The following CCDC73 variants were observed in gnomAD, a reference collection of about 807,000 sequenced individuals.
CCDC73 encodes the protein coiled-coil domain containing 73, also known as coiled-coil domain-containing protein 73.
In CCDC73, 95 loss-of-function variants were observed where a neutral mutation model predicts 116.5. That is an observed-to-expected ratio of 0.82 (90% confidence interval 0.69 to 0.97). The LOEUF is 0.97. Ranked by LOEUF, CCDC73 falls within the 50% of genes least tolerant of loss-of-function variation. The pLI, the probability that CCDC73 is intolerant of heterozygous loss-of-function variation, is 0.00. For missense variants in CCDC73, 1,066 were observed against 1,206.8 expected (o/e 0.88, Z 1.73); for synonymous variants, 398 against 401.3 (o/e 0.99, Z 0.10).
the CCDC73 span, among the ~76,000 whole-genome samples, chr11:32,811,149 A>G: frequency 6.6e-6 from 1 of 151,952 alleles, no homozygotes; most frequent in African/African-American, 2.4e-5. Flanking sequence ...AGATGTACCC[A>G]CAACCTATTA....
chr11:32,746,660 C>A (rs1850242028), intron 2 of CCDC73, among the ~76,000 whole-genome samples: 1 of 152,122 alleles, frequency 6.6e-6, no homozygotes, highest in Admixed American at 6.5e-5. Flanking sequence ...TGTTTTCTCA[C>A]TTTATTTCAT....
At chr11:32,672,340 G>A (rs147192944) in intron 9 of CCDC73, among the ~76,000 whole-genome samples, 3 of 151,870 alleles carry the variant, frequency 2.0e-5, no homozygotes, top group African/African-American at 4.8e-5. Flanking sequence ...AGACTCTGTC[G>A]AAAGAAAAAA....
chr11:32,782,000 T>C (rs1048059660), intron 1 of CCDC73, among the ~76,000 whole-genome samples: 1 of 152,124 alleles, frequency 6.6e-6, no homozygotes, highest in Admixed American at 6.5e-5. Flanking sequence ...CTGAGCTGCC[T>C]CCTGTCAGAT....
intron 9 of CCDC73, among the ~76,000 whole-genome samples, chr11:32,674,722 T>C (rs1044811058): frequency 7.2e-5 from 11 of 152,190 alleles, no homozygotes; most frequent in African/African-American, 2.7e-4. Flanking sequence ...AATCAGAAGC[T>C]AGCTAAAGTC....
At chr11:32,649,962 G>T (rs1184648855) in intron 12 of CCDC73, among the ~76,000 whole-genome samples, 1 of 152,084 alleles carries the variant, frequency 6.6e-6, no homozygotes, top group East Asian at 1.9e-4. Context: ...TCAAGGTTCA[G>T]GTAATACTTG....
At chr11:32,830,568 A>G in the CCDC73 span, 2 of 1,609,102 alleles carry the variant, frequency 1.2e-6, no homozygotes, top group Non-Finnish European at 8.5e-7. Flanking sequence ...AACTGCCCAC[A>G]GTTACCCTGG....
intron 17 of CCDC73, chr11:32,606,384 T>C (rs1855351447): frequency 6.6e-6 from 1 of 152,236 alleles, no homozygotes; most frequent in African/African-American, 2.4e-5. Context: ...CTCAGTGCCA[T>C]GCCAAAACAG....
intron 1 of CCDC73, among the ~76,000 whole-genome samples, chr11:32,790,693 A>G (rs972462446): frequency 3.3e-5 from 5 of 152,072 alleles, no homozygotes; most frequent in African/African-American, 1.2e-4. Context: ...AGGATTATAT[A>G]TATAAATTTT....
Position 32,614,406 on chromosome 11 carries a change from TTTTTTTTATA to T in CCDC73, c.1902_1911del (p.Asp634GlufsTer19). 1 of 1,613,276 alleles carries T rather than the reference TTTTTTTTATA, an allele frequency of 6.2e-7. No individual in the cohort carries two copies. The highest frequency in any genetic ancestry group is 1.3e-5 in the African/African-American group (1 of 74,970). On this transcript the variant is annotated frameshift_variant, in exon 16 of 18. Coordinates refer to ENST00000335185, the MANE Select transcript of CCDC73 (RefSeq NM_001008391.4). LOFTEE classifies it high-confidence loss of function. ...CTATATTTCTGACATGGAACAGGAT[TTTTTTTTATA>T]TCTAGAGACGAGTCCAAATCTGCTT...
intron 14 of CCDC73, among the ~76,000 whole-genome samples, chr11:32,622,612 C>T (rs1218493624): frequency 2.8e-5 from 4 of 145,170 alleles, no homozygotes; most frequent in Non-Finnish European, 4.5e-5. Context: ...CCATGGCACA[C>T]GTATAACTAT....
At chr11:32,736,959 C>CATATATATACATAT (rs1565088875) in intron 2 of CCDC73, among the ~76,000 whole-genome samples, 3 of 148,752 alleles carry the variant, frequency 2.0e-5, no homozygotes, top group Non-Finnish European at 3.0e-5. Context: ...TATATACACA[C>CATATATATACATAT]ATATACATAT....
intron 1 of CCDC73, among the ~76,000 whole-genome samples, chr11:32,776,991 A>G (rs1351932974): frequency 1.2e-3 from 30 of 24,856 alleles, no homozygotes; most frequent in Non-Finnish European, 1.5e-3. Flanking sequence ...ATACACATGT[A>G]TATATATATA....
intron 1 of CCDC73, among the ~76,000 whole-genome samples, chr11:32,765,635 G>T (rs570468137): frequency 2.7e-3 from 409 of 152,264 alleles, no homozygotes; most frequent in African/African-American, 9.7e-3. Flanking sequence ...GAAATTTATA[G>T]CACTAAATGC....
In CCDC73 at chr11:32,615,021, T is replaced by C. The variant is rs912068551; in HGVS notation, c.1376-79A>G. ...CATAAGACATATTTATCACCTATTT[T>C]TATAAAAACATATTTAACCTTAAAT... is the stretch of plus-strand genomic sequence containing the variant. On this transcript the variant is annotated intron_variant, in intron 15 of 17. Transcript: ENST00000335185. 14 of 805,420 alleles carry C rather than the reference T, an allele frequency of 1.7e-5. No homozygotes were observed. In the Admixed American group the frequency reaches 3.4e-4, roughly 20 times the overall value. The allele number at this position is 805,420 out of a possible 1,614,324, so 49.9% of individuals were successfully genotyped here. A position where few individuals can be genotyped will look rare whatever the true frequency, so the allele number is the denominator to read the frequency against.
chr11:32,794,121 A>G (rs1217232635), intron 1 of CCDC73, among the ~76,000 whole-genome samples: 2 of 152,192 alleles, frequency 1.3e-5, no homozygotes, highest in Admixed American at 1.3e-4. Context: ...AACATTCTGC[A>G]AAAAGTAACG....
chr11:32,778,514 A>G (rs7936098), intron 1 of CCDC73, among the ~76,000 whole-genome samples: 1,525 of 152,296 alleles, frequency 0.01, 25 homozygotes, highest in African/African-American at 0.034. Flanking sequence ...AATCTTTTGT[A>G]TTAAGAATCA....
At chr11:32,691,923 C>G (rs1015339125) in intron 6 of CCDC73, among the ~76,000 whole-genome samples, 1 of 151,894 alleles carries the variant, frequency 6.6e-6, no homozygotes, top group Non-Finnish European at 1.5e-5. Flanking sequence ...TGGCAGGTGC[C>G]TGTAGTCCCA....
intron 6 of CCDC73, among the ~76,000 whole-genome samples, chr11:32,692,229 T>C (rs905669514): frequency 6.6e-6 from 1 of 152,122 alleles, no homozygotes; most frequent in African/African-American, 2.4e-5. Context: ...TATCTAGCTG[T>C]TCCTGCACCA....
intron 9 of CCDC73, among the ~76,000 whole-genome samples, chr11:32,661,774 G>A (rs952186450): frequency 6.7e-6 from 1 of 150,364 alleles, no homozygotes; most frequent in East Asian, 2.0e-4. Context: ...ATGTTGGTGT[G>A]CTGCACCCAT....
Sources: gnomAD v4.1 joint callset for allele counts (sites outside exome capture counted in the v4.1 genomes callset) on GRCh38, gnomAD v4.1.1 for gene constraint, MANE v1.5 for transcripts, NCBI Gene and HGNC (gene_info 2026-07-23, HGNC 2026-07-21) for gene names.